Variants in NSD3 observed in about 807,000 individuals in gnomAD.
The protein encoded by NSD3 is histone-lysine N-methyltransferase NSD3.
In NSD3, 24 loss-of-function variants were observed where a neutral mutation model predicts 160.8. That is an observed-to-expected ratio of 0.15 (90% CI 0.11 to 0.21). The LOEUF (loss-of-function observed/expected upper bound fraction) is 0.21, where lower values mean the gene tolerates loss of function less well. Ranked by LOEUF, NSD3 falls within the 10% of genes least tolerant of loss-of-function variation. The pLI is 1.00. For synonymous variants in NSD3, 520 were observed against 600.0 expected, an observed-to-expected ratio of 0.87 and a Z score of 1.95; for missense variants, 1,157 against 1,735.9, an observed-to-expected ratio of 0.67 and a Z score of 5.93.
chr8:38,348,659 T>C (rs1810593397), intron 1 of NSD3, among the ~76,000 whole-genome samples: 1 of 152,182 alleles, frequency 6.6e-6, no homozygotes, highest in Admixed American at 6.6e-5. Context: ...TAAAATGTTA[T>C]TGCATTTTTT....
intron 1 of NSD3, among the ~76,000 whole-genome samples, chr8:38,379,453 T>C (rs1811484577): frequency 6.6e-6 from 1 of 152,152 alleles, no homozygotes; most frequent in Non-Finnish European, 1.5e-5. Flanking sequence ...AAAACTTAAA[T>C]TGCCATAAAA....
intron 1 of NSD3, among the ~76,000 whole-genome samples, chr8:38,355,355 G>T (rs902466232): frequency 5.9e-5 from 9 of 151,446 alleles, no homozygotes; most frequent in Non-Finnish European, 1.3e-4. Flanking sequence ...CTGGCCACTT[G>T]TTGGCTATTA....
chr8:38,281,843 C>G lies in NSD3; in HGVS notation c.3502-260G>C, dbSNP rs145702439. 1.8e-4 allele frequency among the ~76,000 whole-genome samples: 28 copies of G among 152,226 alleles called. 1 individual carries two copies. In the East Asian group the frequency reaches 5.2e-3, roughly 28 times the overall value. On this transcript the variant is annotated intron_variant, in intron 19 of 23. Coordinates refer to ENST00000317025, the MANE Select transcript of NSD3 (RefSeq NM_023034.2). ...CCAAGTGACAACATGTGGGGCATTGCTGGGATCTGGGGATAAAGCTAACTC... is the reference window on the plus strand; with the variant it reads ...CCAAGTGACAACATGTGGGGCATTGGTGGGATCTGGGGATAAAGCTAACTC...
At chr8:38,282,124 T>G (rs1237669952) in intron 19 of NSD3, among the ~76,000 whole-genome samples, 4 of 152,258 alleles carry the variant, frequency 2.6e-5, no homozygotes, top group Non-Finnish European at 5.9e-5. Flanking sequence ...AAAACCGACA[T>G]TGGTATAATC....
chr8:38,298,435 C>T (rs1439829730), intron 15 of NSD3, among the ~76,000 whole-genome samples: 1 of 152,122 alleles, frequency 6.6e-6, no homozygotes, highest in Non-Finnish European at 1.5e-5. Context: ...TTCTTTTAGT[C>T]ATGAGTTGCC....
chr8:38,316,182 A>T lies in NSD3; in HGVS notation c.1856-140T>A. 4 of 1,271,036 alleles carry T rather than the reference A, an allele frequency of 3.1e-6. No homozygotes were observed. The highest frequency in any genetic ancestry group is 2.6e-5 in the East Asian group (1 of 39,124). The allele number at this position is 1,271,036 out of a possible 1,614,324, so 78.7% of individuals were successfully genotyped here. ...ATAGCTCTCTTTGTAACACTGAAAT[A>T]ATGAGTCAAAACTTCAGAACTTCTG... is the stretch of plus-strand genomic sequence containing the variant. On this transcript the variant is annotated intron_variant, in intron 9 of 23. Coordinates refer to ENST00000317025, the MANE Select transcript of NSD3 (RefSeq NM_023034.2). This position sits in a 1 kb window ranked among gnomAD's most constrained non-coding sequence, Gnocchi z 4.5.
intron 16 of NSD3, among the ~76,000 whole-genome samples, chr8:38,291,503 T>C (rs1031117530): frequency 1.2e-4 from 19 of 152,360 alleles, no homozygotes; most frequent in African/African-American, 4.6e-4. Flanking sequence ...AACTGTATTA[T>C]TGAGAAGATA....
intron 4 of NSD3, among the ~76,000 whole-genome samples, 155 bp from the exon 5 acceptor site, chr8:38,331,740 T>C (rs1021696629): frequency 1.3e-5 from 2 of 152,202 alleles, no homozygotes; most frequent in African/African-American, 4.8e-5. Context: ...CCACCAGTTA[T>C]AGAACTAATA....
chr8:38,307,623 A>G (rs1253806175), intron 12 of NSD3, among the ~76,000 whole-genome samples: 1 of 152,222 alleles, frequency 6.6e-6, no homozygotes, highest in East Asian at 1.9e-4. Context: ...TGCAGCAATT[A>G]AATAGAATGC....
At chr8:38,311,637 G>GT (rs1354911196) in intron 12 of NSD3, among the ~76,000 whole-genome samples, 1 of 152,098 alleles carries the variant, frequency 6.6e-6, no homozygotes, top group African/African-American at 2.4e-5. Flanking sequence ...GAGTTGTTTA[G>GT]TTTTTTATTG....
chr8:38,315,993 G>C lies in NSD3; in HGVS notation c.1905C>G (p.Arg635=). The change falls in exon 10 of 24, where the codon CGC becomes CGG. Residue 635 remains arginine, a synonymous_variant. Coordinates refer to ENST00000317025, the MANE Select transcript of NSD3 (RefSeq NM_023034.2). ...TAGTCATTTCTACATCAGTTGAGGCGCGACTCCTTTTCTTTAGAGGTTTAC... is the reference window on the plus strand; with the variant it reads ...TAGTCATTTCTACATCAGTTGAGGCCCGACTCCTTTTCTTTAGAGGTTTAC... The part of the protein sequence containing the change: ...DSCKPLKKRS[R]ASTDVEMTSS... 6.2e-7 allele frequency: 1 copy of C among 1,613,352 alleles called. No individual in the cohort carries two copies. Among genetic ancestry groups the C allele is most frequent in the Non-Finnish European group, 8.5e-7 (1 of 1,179,990 alleles).
intron 2 of NSD3, among the ~76,000 whole-genome samples, chr8:38,344,143 G>A (rs1810455062): frequency 6.6e-6 from 1 of 152,172 alleles, no homozygotes; most frequent in African/African-American, 2.4e-5. Context: ...TTGCTGAGAA[G>A]ATATACTTAG....
chr8:38,342,809 C>T (rs979056691), intron 2 of NSD3, among the ~76,000 whole-genome samples: 5 of 151,970 alleles, frequency 3.3e-5, no homozygotes, highest in Admixed American at 2.0e-4. Context: ...CCGCCCGCCT[C>T]GGCCTCCCAA....
At position 38,299,563 on chromosome 8, in the gene NSD3, G is replaced by A; in HGVS notation, c.2639C>T (p.Pro880Leu). The A allele has an allele frequency of 6.2e-7, 1 of 1,612,302 alleles. No individual in the cohort carries two copies. Among genetic ancestry groups the A allele is most frequent in the South Asian group, 1.1e-5 (1 of 90,482 alleles). The change falls in exon 15 of 24, where the codon CCC (proline) becomes CTC (leucine). Residue 880 changes from proline to leucine, a missense_variant. Physicochemically the swap from Pro to Leu is moderately conservative, Grantham distance 98. Around this residue, in one of 10 missense-constraint regions of NSD3, gnomAD observed 437 missense variants for 576.6 expected, o/e 0.76. Coordinates refer to ENST00000317025, the MANE Select transcript of NSD3 (RefSeq NM_023034.2). ...CTTATAGGCATATGAACTGAACATG[G>A]GGTCTGAATGGTCCTGAACTATCAG... ...RGLIVQDHSD[P>L]MFSSYAYKSH...
chr8:38,324,267 A>C (rs995908776), intron 7 of NSD3, among the ~76,000 whole-genome samples: 2 of 152,160 alleles, frequency 1.3e-5, no homozygotes, highest in Non-Finnish European at 2.9e-5. Context: ...TTTCCTTCCC[A>C]ATTCCATATT....
At position 38,288,837 on chromosome 8, in the gene NSD3, C is replaced by T. The variant is rs1208057332; in HGVS notation, c.3232-81G>A. The T allele has an allele frequency of 2.2e-5, 34 of 1,540,758 alleles. No homozygotes were observed. Among genetic ancestry groups the T allele is most frequent in the Admixed American group, 7.1e-5 (4 of 56,452 alleles). ...TGAACAGGAACATCTAAAACATCCA[C>T]GCTACTGCCTCGTGGTGCTACTCCG... On this transcript the variant is annotated intron_variant, in intron 18 of 23. Coordinates refer to ENST00000317025, the MANE Select transcript of NSD3 (RefSeq NM_023034.2). The surrounding 1 kb of genome is among the most constrained non-coding windows in gnomAD (Gnocchi z 4.5).
rs769677290 is a variant in NSD3 at position 38,329,363 on chromosome 8, GA to G, written c.1581+14del. On this transcript the variant is annotated intron_variant, in intron 6 of 23. Coordinates refer to ENST00000317025, the MANE Select transcript of NSD3 (RefSeq NM_023034.2). This position sits in a 1 kb window ranked among gnomAD's most constrained non-coding sequence, Gnocchi z 4.8. ...AATACCATCCCCCAAAAAACTCCAC[GA>G]AAAAAGGAGGTACCTTTGTTGAATA... 6.3e-7 allele frequency: 1 copy of G among 1,596,438 alleles called. No homozygotes were observed. The highest frequency in any genetic ancestry group is 1.1e-5 in the South Asian group (1 of 89,684).
At chr8:38,377,142 T>A (rs374927223) in intron 1 of NSD3, among the ~76,000 whole-genome samples, 1 of 152,266 alleles carries the variant, frequency 6.6e-6, no homozygotes, top group East Asian at 1.9e-4. Context: ...AACCTCCGCC[T>A]CCTGGGTTCA....
intron 20 of NSD3, chr8:38,280,228 T>C (rs1361125306): frequency 6.6e-6 from 1 of 152,270 alleles, no homozygotes; most frequent in Non-Finnish European, 1.5e-5. Context: ...TCACAATACA[T>C]TGAAAAGCTG....
Sources: gnomAD v4.1 joint callset for allele counts (sites outside exome capture counted in the v4.1 genomes callset) on GRCh38, gnomAD v4.1.1 for gene constraint, gnomAD v4.1.1 regional missense constraint, Gnocchi (gnomAD v3.1) non-coding constraint, MANE v1.5 for transcripts, NCBI Gene and HGNC (gene_info 2026-07-23, HGNC 2026-07-21) for gene names.